CDH2: variants seen among roughly 807,000 people sequenced by gnomAD.
CDH2 encodes the protein cadherin 2.
CDH2 carries 17 observed loss-of-function variants against 92.0 expected under a neutral mutation model. That is an observed-to-expected ratio of 0.18 (90% CI 0.13 to 0.28). The LOEUF is 0.28. Among genes scored for constraint, CDH2 ranks in the 10% least tolerant of loss-of-function variants. The pLI is 1.00. For synonymous variants in CDH2, 419 were observed against 415.9 expected (o/e 1.01, Z -0.09); for missense variants, 862 against 1,133.1 (o/e 0.76, Z 3.44).
rs1184418794 is a variant in CDH2, at chr18:28,027,504, T to C, written c.173-13595A>G. ...AATAAAAGAAAGAAATAACGTGCTA[T>C]GTTATTCTTCTTTAATACAAAACTG... On this transcript the variant is annotated intron_variant, in intron 2 of 15. Transcript: ENST00000269141. Among the ~76,000 whole-genome samples, 6 of 152,200 alleles carry C rather than the reference T, an allele frequency of 3.9e-5. No homozygotes were observed. In the South Asian group the frequency reaches 1.0e-3, roughly 26 times the overall value.
chr18:28,070,026 C>T (rs2014585944), intron 2 of CDH2, among the ~76,000 whole-genome samples: 2 of 152,094 alleles, frequency 1.3e-5, no homozygotes, highest in Non-Finnish European at 1.5e-5. Flanking sequence ...AATCAATAGA[C>T]TAGGAAACAC....
chr18:27,934,836 C>T (rs17492938), intron 6 of CDH2, among the ~76,000 whole-genome samples: 2,860 of 152,260 alleles, frequency 0.019, 83 homozygotes, highest in African/African-American at 0.066. Context: ...TGTGACTACT[C>T]AAGAATGTCA....
chr18:28,176,672 C>A (rs1177552533), intron 1 of CDH2, among the ~76,000 whole-genome samples: 1 of 152,076 alleles, frequency 6.6e-6, no homozygotes, highest in African/African-American at 2.4e-5. Flanking sequence ...TGGGGACACC[C>A]CCCGCGAGCT....
intron 1 of CDH2, among the ~76,000 whole-genome samples, chr18:28,155,771 C>T (rs2016199833): frequency 6.6e-6 from 1 of 151,974 alleles, no homozygotes; most frequent in Non-Finnish European, 1.5e-5. Flanking sequence ...TTTTTTAATC[C>T]AATTTCTCAC....
rs56171991 is a variant in CDH2 at position 28,171,225 on chromosome 18, T to TAA, written c.60+5736_60+5737dup. On this transcript the variant is annotated intron_variant, in intron 1 of 15. Transcript: ENST00000269141. ...CAGCCTGACAGAGCGAGACTGTCTT[T>TAA]AAAAAAAAAAAAAAAAAAGCTAGAG... Among the ~76,000 whole-genome samples the TAA allele has an allele frequency of 2.4e-3, 318 of 130,402 alleles. 2 individuals carry two copies. The highest frequency in any genetic ancestry group is 3.8e-3 in the Non-Finnish European group (232 of 61,206). The allele number at this position is 130,402 out of a possible 152,430, so 85.5% of individuals were successfully genotyped here.
chr18:28,173,013 T>C (rs1271012441), intron 1 of CDH2, among the ~76,000 whole-genome samples: 3 of 152,224 alleles, frequency 2.0e-5, no homozygotes, highest in Non-Finnish European at 4.4e-5. Flanking sequence ...AGAATTGAAA[T>C]TGTTAATGAA....
At chr18:28,033,127 C>T (rs17522743) in intron 2 of CDH2, among the ~76,000 whole-genome samples, 23 of 152,108 alleles carry the variant, frequency 1.5e-4, no homozygotes, top group African/African-American at 5.3e-4. Flanking sequence ...CAAAAGATGG[C>T]AGCTTCGGAA....
At chr18:28,046,344 T>C (rs1184366292) in intron 2 of CDH2, among the ~76,000 whole-genome samples, 1 of 152,138 alleles carries the variant, frequency 6.6e-6, no homozygotes, top group Non-Finnish European at 1.5e-5. Flanking sequence ...GATAAGAATA[T>C]ATTGGAAGAA....
chr18:27,977,245 C>CAAAT (rs1414492787), intron 14 of CDH2, among the ~76,000 whole-genome samples: 5 of 152,186 alleles, frequency 3.3e-5, no homozygotes, highest in Non-Finnish European at 7.4e-5. Flanking sequence ...ATGCTAGTTT[C>CAAAT]AAATATGGGC....
At chr18:28,145,744 T>G (rs190254054) in intron 2 of CDH2, among the ~76,000 whole-genome samples, 1 of 152,132 alleles carries the variant, frequency 6.6e-6, no homozygotes, top group Admixed American at 6.6e-5. Context: ...TTAAACAGTA[T>G]GTTTCAAGCT....
At chr18:27,955,256 T>C (rs1909649499) in intron 15 of CDH2, among the ~76,000 whole-genome samples, 1 of 151,008 alleles carries the variant, frequency 6.6e-6, no homozygotes, top group African/African-American at 2.4e-5. Context: ...TTAGGAGAAA[T>C]ACCTAATGTA....
At chr18:28,064,683 G>A (rs2014473224) in intron 2 of CDH2, among the ~76,000 whole-genome samples, 1 of 151,664 alleles carries the variant, frequency 6.6e-6, no homozygotes, top group African/African-American at 2.4e-5. Context: ...AAAAACAACT[G>A]GAGCCCTATT....
At chr18:28,042,694 G>A (rs887579105) in intron 2 of CDH2, among the ~76,000 whole-genome samples, 3 of 152,074 alleles carry the variant, frequency 2.0e-5, no homozygotes, top group Non-Finnish European at 4.4e-5. Context: ...GATTTGCATC[G>A]ATAAGAACAA....
chr18:28,076,724 T>C (rs1315091627), intron 2 of CDH2, among the ~76,000 whole-genome samples: 3 of 129,352 alleles, frequency 2.3e-5, no homozygotes, highest in African/African-American at 8.7e-5. Context: ...CGGTGTGTGA[T>C]GTTCCCCTTC....
intron 2 of CDH2, among the ~76,000 whole-genome samples, chr18:28,078,781 G>A (rs896709936): frequency 4.0e-5 from 6 of 150,884 alleles, no homozygotes; most frequent in Non-Finnish European, 5.9e-5. Context: ...TATACTCCTC[G>A]CCCCAGCAGT....
chr18:27,971,769 G>A (rs1194070602), intron 14 of CDH2, among the ~76,000 whole-genome samples: 1 of 152,088 alleles, frequency 6.6e-6, no homozygotes, highest in African/African-American at 2.4e-5. Context: ...AATAACTTGG[G>A]AACATCATTA....
chr18:28,033,144 G>A (rs1288824612), intron 2 of CDH2, among the ~76,000 whole-genome samples: 1 of 152,028 alleles, frequency 6.6e-6, no homozygotes, highest in Non-Finnish European at 1.5e-5. Flanking sequence ...GGAATAAACA[G>A]GGGCATGGAC....
chr18:27,978,445 T>G (rs1370258706), intron 14 of CDH2, among the ~76,000 whole-genome samples: 1 of 152,162 alleles, frequency 6.6e-6, no homozygotes, highest in Non-Finnish European at 1.5e-5. Flanking sequence ...AGCACCGCAA[T>G]GCAGTGGTAA....
intron 1 of CDH2, among the ~76,000 whole-genome samples, chr18:28,161,580 G>GAAAAA (rs35615619): frequency 2.8e-4 from 14 of 49,714 alleles, no homozygotes; most frequent in Middle Eastern, 0.012. Context: ...ACCCTGTCTC[G>GAAAAA]AAAAAAAAAA....
Sources: allele counts gnomAD v4.1 joint callset (sites outside exome capture counted in the v4.1 genomes callset), GRCh38; gene constraint gnomAD v4.1.1; transcripts MANE v1.5; gene names NCBI Gene and HGNC (gene_info 2026-07-23, HGNC 2026-07-21).